BMP3: variants seen among roughly 807,000 people sequenced by gnomAD.
The protein encoded by BMP3 is bone morphogenetic protein 3.
In BMP3, 23 loss-of-function variants were observed where a neutral mutation model predicts 38.1. The observed-to-expected ratio is 0.60, with a 90% CI of 0.43 to 0.86. The LOEUF (loss-of-function observed/expected upper bound fraction) is 0.86. Among genes scored for constraint, BMP3 ranks in the 40% least tolerant of loss-of-function variants. The pLI, the probability that BMP3 is intolerant of heterozygous loss-of-function variation, is 0.00. For missense variants in BMP3, 628 were observed against 579.6 expected, an observed-to-expected ratio of 1.08 and a Z score of -0.86; for synonymous variants, 258 against 225.7, an observed-to-expected ratio of 1.14 and a Z score of -1.28.
chr4:81,056,197 A>G lies in BMP3; in HGVS notation c.*2661A>G, dbSNP rs1198106601. 6.6e-6 allele frequency: 1 copy of G among 152,150 alleles called. No individual in the cohort carries two copies. Among genetic ancestry groups the G allele is most frequent in the East Asian group, 1.9e-4 (1 of 5,200 alleles). The allele number at this position is 152,150 out of a possible 1,614,324, so 9.4% of individuals were successfully genotyped here. On this transcript the variant is annotated 3_prime_UTR_variant, in exon 3 of 3. Transcript: ENST00000282701. ...TTAAATTATTAAATTGGCATTCATG[A>G]AAAGAGAAGCTACAATTATAAACTC... is the stretch of plus-strand genomic sequence containing the variant.
intron 2 of BMP3, among the ~76,000 whole-genome samples, chr4:81,048,089 T>C (rs1357644253): frequency 6.6e-6 from 1 of 152,174 alleles, no homozygotes; most frequent in Non-Finnish European, 1.5e-5. Flanking sequence ...TTTTTGATCA[T>C]TTTATGTTTC....
At chr4:81,047,404 G>A (rs895072633) in intron 2 of BMP3, among the ~76,000 whole-genome samples, 12 of 152,036 alleles carry the variant, frequency 7.9e-5, no homozygotes, top group African/African-American at 1.5e-4. Flanking sequence ...CAACTTGCAC[G>A]GCAAGTTCAA....
In BMP3 at chr4:81,053,445, C is replaced by T; in HGVS notation, c.1328C>T (p.Ser443Phe). ...CCTTGCTGTGTACCAGAAAAGATGT[C>T]CTCACTCAGTATTTTATTCTTTGAT... ...PEPCCVPEKM[S>F]SLSILFFDEN... The change falls in exon 3 of 3, where the codon TCC becomes TTC. Residue 443 changes from serine (S) to phenylalanine (F), a missense_variant. Coordinates refer to ENST00000282701, the MANE Select transcript of BMP3 (RefSeq NM_001201.5). The T allele has an allele frequency of 1.2e-6, 2 of 1,610,886 alleles. No individual in the cohort carries two copies. Among genetic ancestry groups the T allele is most frequent in the Non-Finnish European group, 1.7e-6 (2 of 1,178,338 alleles).
intron 1 of BMP3, among the ~76,000 whole-genome samples, chr4:81,042,453 G>T (rs1280233975): frequency 6.6e-6 from 1 of 152,162 alleles, no homozygotes; most frequent in African/African-American, 2.4e-5. Flanking sequence ...TTGTCTGAGG[G>T]CTGCTATTGG....
intron 1 of BMP3, among the ~76,000 whole-genome samples, chr4:81,042,227 G>A (rs1480208460): frequency 1.3e-5 from 2 of 152,100 alleles, no homozygotes; most frequent in African/African-American, 2.4e-5. Context: ...TCAAAATTCA[G>A]TATGTATTTT....
At position 81,046,292 on chromosome 4, in the gene BMP3, A is replaced by C; in HGVS notation, c.871A>C (p.Thr291Pro). The C allele has an allele frequency of 6.2e-7, 1 of 1,614,110 alleles. No individual in the cohort carries two copies. The highest frequency in any genetic ancestry group is 1.1e-5 in the South Asian group (1 of 91,090). Residue 291 changes from threonine to proline, a missense_variant, in exon 2 of 3, where the codon ACT (threonine) becomes CCT (proline). Physicochemically the swap from Thr to Pro is conservative, Grantham distance 38. Coordinates refer to ENST00000282701, the MANE Select transcript of BMP3 (RefSeq NM_001201.5). The stretch of plus-strand genomic sequence containing the variant: ...CATTGAGCGGAGGAAGAAGCGCTCT[A>C]CTGGGGTCTTGCTGCCTCTGCAGAA... ...LSIERRKKRS[T>P]GVLLPLQNNE...
intron 1 of BMP3, among the ~76,000 whole-genome samples, chr4:81,035,597 C>T (rs1739901269): frequency 6.6e-6 from 1 of 151,966 alleles, no homozygotes; most frequent in Non-Finnish European, 1.5e-5. Context: ...CAAGTCCTTC[C>T]TTTAATGGAA....
At position 81,045,956 on chromosome 4, in the gene BMP3, C is replaced by A; in HGVS notation, c.535C>A (p.Leu179Ile). The change falls in exon 2 of 3, where the codon CTC becomes ATC. Residue 179 changes from leucine (L) to isoleucine (I), a missense_variant. By Grantham distance (5) the Leu-to-Ile change is conservative. Transcript: ENST00000282701. The part of the protein sequence containing the change: ...TLKFSRNQSQ[L>I]LGHLSVDMAK... Reference sequence around the variant, plus strand: ...CAAATTCAGCAGAAACCAAAGTCAACTCCTTGGCCATCTGTCAGTGGATAT... The same window carrying A: ...CAAATTCAGCAGAAACCAAAGTCAAATCCTTGGCCATCTGTCAGTGGATAT... The A allele has an allele frequency of 6.2e-7, 1 of 1,614,050 alleles. No individual in the cohort carries two copies. The highest frequency in any genetic ancestry group is 8.5e-7 in the Non-Finnish European group (1 of 1,179,986).
Position 81,030,920 on chromosome 4 carries a change from T to G in BMP3, c.-365T>G, listed in dbSNP as rs2109898435. 1 of 213,312 alleles carries G rather than the reference T, an allele frequency of 4.7e-6. No homozygotes were observed. Among genetic ancestry groups the G allele is most frequent in the Admixed American group, 5.7e-5 (1 of 17,446 alleles). The allele number at this position is 213,312 out of a possible 1,614,324, so 13.2% of individuals were successfully genotyped here. ...GTCCTAGTCCCTCGCGCGGCCAGTT[T>G]GGCCGGGTGTTCCCAAAAATAAAGC... is the stretch of plus-strand genomic sequence containing the variant. On this transcript the variant is annotated 5_prime_UTR_variant, in exon 1 of 3. Coordinates refer to ENST00000282701, the MANE Select transcript of BMP3 (RefSeq NM_001201.5).
chr4:81,052,334 G>A (rs1740418015), intron 2 of BMP3, among the ~76,000 whole-genome samples: 1 of 152,096 alleles, frequency 6.6e-6, no homozygotes, highest in African/African-American at 2.4e-5. Flanking sequence ...TGCACAGTGG[G>A]GCATCTCTTA....
At chr4:81,053,180 T>C (rs1207969939) in intron 2 of BMP3, among the ~76,000 whole-genome samples, 165 bp from the exon 3 acceptor site, 3 of 152,170 alleles carry the variant, frequency 2.0e-5, no homozygotes, top group Non-Finnish European at 4.4e-5. Flanking sequence ...ATAACCATTT[T>C]GGTAGTGGTG....
At chr4:81,039,880 T>C (rs1740024106) in intron 1 of BMP3, among the ~76,000 whole-genome samples, 1 of 152,108 alleles carries the variant, frequency 6.6e-6, no homozygotes, top group Admixed American at 6.5e-5. Flanking sequence ...AAAGGTGTAA[T>C]GAAAATGGTA....
intron 1 of BMP3, among the ~76,000 whole-genome samples, chr4:81,044,170 G>A (rs895717790): frequency 6.6e-6 from 1 of 152,144 alleles, no homozygotes; most frequent in Non-Finnish European, 1.5e-5. Context: ...TTTGTAGCCC[G>A]TAGGCTATAC....
In BMP3 at chr4:81,053,607, T is replaced by TTTG. The variant is rs1740461299; in HGVS notation, c.*73_*74insGTT. ...TTTTTATGGACTTCTTCCTGTTTTT[T>TTTG]TTTTTTTTTTTTTTGCACTGCCAAT... On this transcript the variant is annotated 3_prime_UTR_variant, in exon 3 of 3. Coordinates refer to ENST00000282701, the MANE Select transcript of BMP3 (RefSeq NM_001201.5). 2.5e-6 allele frequency: 2 copies of TTTG among 788,012 alleles called. No homozygotes were observed. The highest frequency in any genetic ancestry group is 3.4e-5 in the Admixed American group (1 of 29,478). The allele number at this position is 788,012 out of a possible 1,614,324, so 48.8% of individuals were successfully genotyped here. A position where few individuals can be genotyped will look rare whatever the true frequency, so the allele number is the denominator to read the frequency against.
At chr4:81,039,712 A>G (rs2109904881) in intron 1 of BMP3, among the ~76,000 whole-genome samples, 1 of 152,156 alleles carries the variant, frequency 6.6e-6, no homozygotes, top group Admixed American at 6.5e-5. Flanking sequence ...GCTAACTCCT[A>G]GGGTCCTTCA....
rs1031277385 is a variant in BMP3 at position 81,057,466 on chromosome 4, A to G, written c.*3930A>G. The G allele has an allele frequency of 6.6e-6, 1 of 152,120 alleles. No individual in the cohort carries two copies. The highest frequency in any genetic ancestry group is 1.5e-5 in the Non-Finnish European group (1 of 67,974). 9.4% of individuals were successfully genotyped at this position (152,120 alleles called of 1,614,324 possible). On this transcript the variant is annotated 3_prime_UTR_variant, in exon 3 of 3. Coordinates refer to ENST00000282701, the MANE Select transcript of BMP3 (RefSeq NM_001201.5). ...AATGTATAAGCTTTGTTGAATTTGT[A>G]TCATTTTCTTTCAGTAATGAAAAGC... is the stretch of plus-strand genomic sequence containing the variant.
chr4:81,048,232 A>G (rs1246906820), intron 2 of BMP3, among the ~76,000 whole-genome samples: 2 of 152,224 alleles, frequency 1.3e-5, no homozygotes, highest in African/African-American at 4.8e-5. Flanking sequence ...GAAAAAACAC[A>G]CACACAACAA....
intron 1 of BMP3, among the ~76,000 whole-genome samples, chr4:81,036,564 G>A (rs1345066050): frequency 6.6e-6 from 1 of 151,808 alleles, no homozygotes; most frequent in African/African-American, 2.4e-5. Context: ...AAAGACATTT[G>A]GCATCACAAA....
chr4:81,031,584 T>C lies in BMP3; in HGVS notation c.300T>C (p.Phe100=). 1 of 1,601,474 alleles carries C rather than the reference T, an allele frequency of 6.2e-7. No individual in the cohort carries two copies. Among genetic ancestry groups the C allele is most frequent in the Non-Finnish European group, 8.5e-7 (1 of 1,174,756 alleles). The change falls in exon 1 of 3, where the codon TTT becomes TTC. Residue 100 remains phenylalanine (F), a synonymous_variant. Coordinates refer to ENST00000282701, the MANE Select transcript of BMP3 (RefSeq NM_001201.5). ...LLREGNTVRS[F]RAAAAETLER... is the part of the protein sequence containing the mutation. ...GCGAAGGCAACACGGTTCGCAGCTTTCGGGCGGCAGCAGCAGGTGAGTGCG... is the reference window on the plus strand; with the variant it reads ...GCGAAGGCAACACGGTTCGCAGCTTCCGGGCGGCAGCAGCAGGTGAGTGCG...
Sources: gnomAD v4.1 joint callset for allele counts (sites outside exome capture counted in the v4.1 genomes callset) on GRCh38, gnomAD v4.1.1 for gene constraint, MANE v1.5 for transcripts, NCBI Gene and HGNC (gene_info 2026-07-23, HGNC 2026-07-21) for gene names.